Variants in EMC2 observed in about 807,000 individuals in gnomAD.
EMC2 encodes the protein ER membrane protein complex subunit 2.
Under a neutral mutation model 51.6 loss-of-function variants are expected in EMC2, and 37 were observed. The observed-to-expected ratio is 0.72, with a 90% CI of 0.55 to 0.94. The LOEUF (loss-of-function observed/expected upper bound fraction) is 0.94, where lower values mean the gene tolerates loss of function less well. Ranked by LOEUF, EMC2 falls within the 40% of genes least tolerant of loss-of-function variation. The pLI, the probability that EMC2 is intolerant of heterozygous loss-of-function variation, is 0.00. For missense variants in EMC2, 359 were observed against 350.9 expected (o/e 1.02, Z -0.18); for synonymous variants, 131 against 112.4 (o/e 1.17, Z -1.04).
At chr8:108,467,714 A>G (rs961723803) in intron 5 of EMC2, among the ~76,000 whole-genome samples, 1 of 152,124 alleles carries the variant, frequency 6.6e-6, no homozygotes, top group Non-Finnish European at 1.5e-5. Flanking sequence ...GGTGAATCCA[A>G]CTGTTTTCAA....
intron 5 of EMC2, chr8:108,463,919 G>A (rs1245285791): frequency 1.3e-5 from 2 of 152,480 alleles, no homozygotes; most frequent in African/African-American, 4.8e-5. Context: ...TATCCTGACT[G>A]GCTGTAGCAC....
intron 6 of EMC2, 28 bp downstream of exon 6, chr8:108,469,939 T>G (rs761902165): frequency 1.3e-6 from 2 of 1,576,472 alleles, no homozygotes; most frequent in South Asian, 2.2e-5. Flanking sequence ...GGATTGTGTT[T>G]TGTTATTCTG....
At chr8:108,485,982 TTAAC>T (rs1811130849) in intron 10 of EMC2, among the ~76,000 whole-genome samples, 1 of 151,832 alleles carries the variant, frequency 6.6e-6, no homozygotes, top group Admixed American at 6.6e-5. Flanking sequence ...TATCATTTAG[TTAAC>T]TAATAAATCT....
chr8:108,458,617 G>A (rs1819225965), intron 5 of EMC2, among the ~76,000 whole-genome samples: 1 of 152,106 alleles, frequency 6.6e-6, no homozygotes, highest in Admixed American at 6.5e-5. Flanking sequence ...GGCCACAGGG[G>A]GAGTGGCTGG....
chr8:108,468,510 T>C (rs994954007), intron 5 of EMC2, among the ~76,000 whole-genome samples: 2 of 152,152 alleles, frequency 1.3e-5, no homozygotes, highest in African/African-American at 4.8e-5. Context: ...TATTAAAACA[T>C]CATTTTTTAA....
At chr8:108,477,472 T>C (rs974733275) in intron 9 of EMC2, among the ~76,000 whole-genome samples, 2 of 152,042 alleles carry the variant, frequency 1.3e-5, no homozygotes, top group Admixed American at 6.6e-5. Context: ...AGTGAGCACC[T>C]CCCTACAATA....
rs762189951 is a variant in EMC2 at position 108,476,792 on chromosome 8, C to G, written c.602C>G (p.Thr201Ser). 9.0e-6 allele frequency: 14 copies of G among 1,558,608 alleles called. No individual in the cohort carries two copies. Among genetic ancestry groups the G allele is most frequent in the Middle Eastern group, 1.7e-4 (1 of 5,962 alleles). The change falls in exon 9 of 11, where the codon ACC (threonine) becomes AGC (serine). Residue 201 changes from threonine (T) to serine (S), a missense_variant. Thr to Ser is a moderately conservative substitution (Grantham distance 58, BLOSUM62 1). Transcript: ENST00000220853. ...TGCAATTTTTAACAGGTTAAGTATA[C>G]CCAAGGTGGACTTGAAAACCTCGAA... Reference protein sequence around the residue: ...YCQQYAEVKYTQGGLENLELS... With the variant: ...YCQQYAEVKYSQGGLENLELS...
chr8:108,464,284 C>G (rs1285163711), intron 5 of EMC2, among the ~76,000 whole-genome samples: 1 of 152,150 alleles, frequency 6.6e-6, no homozygotes, highest in Non-Finnish European at 1.5e-5. Flanking sequence ...ACCTTTGAGT[C>G]ATTTCAATGA....
intron 4 of EMC2, 23 bp downstream of exon 4, chr8:108,453,170 C>G: frequency 1.4e-6 from 2 of 1,420,394 alleles, no homozygotes; most frequent in Non-Finnish European, 2.0e-6. Flanking sequence ...TATCAGCTGG[C>G]AGGCATGGAG....
intron 10 of EMC2, among the ~76,000 whole-genome samples, chr8:108,484,631 G>A (rs745342957): frequency 1.3e-5 from 2 of 151,646 alleles, no homozygotes; most frequent in Non-Finnish European, 2.9e-5. Context: ...TAAATGTTAC[G>A]TGGTAATGTT....
chr8:108,451,539 T>C (rs1161878702), intron 3 of EMC2, among the ~76,000 whole-genome samples: 1 of 152,152 alleles, frequency 6.6e-6, no homozygotes, highest in Non-Finnish European at 1.5e-5. Flanking sequence ...GAATTAGTAT[T>C]GTCCTTTTCA....
At chr8:108,462,001 G>A (rs1007006176) in intron 5 of EMC2, among the ~76,000 whole-genome samples, 10 of 152,054 alleles carry the variant, frequency 6.6e-5, no homozygotes, top group African/African-American at 2.4e-4. Flanking sequence ...TAGAGATGGG[G>A]TTTCACCATG....
At chr8:108,485,568 CAT>C (rs1791521633) in intron 10 of EMC2, among the ~76,000 whole-genome samples, 1 of 141,110 alleles carries the variant, frequency 7.1e-6, no homozygotes, top group African/African-American at 2.6e-5. Flanking sequence ...CACACACACA[CAT>C]ACACACACAA....
rs772037335 is a variant in EMC2, at chr8:108,475,884, A to C, written c.512A>C (p.Tyr171Ser). The change falls in exon 8 of 11, where the codon TAT (tyrosine) becomes TCT (serine). Residue 171 changes from tyrosine to serine, a missense_variant and splice_region_variant. Tyr to Ser is a moderately radical substitution (Grantham distance 144). Transcript: ENST00000220853. ...LAELYINEHD[Y>S]AKAAFCLEEL... ...TTCTCCTCTTGATGTGTTTTTAGCT[A>C]TGCAAAAGCAGCCTTTTGTTTAGAG... is the stretch of plus-strand genomic sequence containing the variant. 1.3e-6 allele frequency: 2 copies of C among 1,582,536 alleles called. No homozygotes were observed.
At chr8:108,457,147 A>G (rs969656847) in intron 5 of EMC2, among the ~76,000 whole-genome samples, 1 of 152,074 alleles carries the variant, frequency 6.6e-6, no homozygotes, top group African/African-American at 2.4e-5. Flanking sequence ...ATCTCTGCTT[A>G]TTTCCTTTGA....
In EMC2 at chr8:108,486,719, C is replaced by A; in HGVS notation, c.*121C>A. ...CTACAGTAATTTTCTGTTAAGAAGGCAGTTGTAAAGAATGTGTTTATATAA... is the reference window on the plus strand; with the variant it reads ...CTACAGTAATTTTCTGTTAAGAAGGAAGTTGTAAAGAATGTGTTTATATAA... On this transcript the variant is annotated 3_prime_UTR_variant, in exon 11 of 11. Transcript: ENST00000220853. The A allele has an allele frequency of 2.9e-6, 3 of 1,030,726 alleles. No homozygotes were observed. Among genetic ancestry groups the A allele is most frequent in the South Asian group, 2.6e-5 (1 of 39,102 alleles). The allele number at this position is 1,030,726 out of a possible 1,614,324, so 63.8% of individuals were successfully genotyped here. A position where few individuals can be genotyped will look rare whatever the true frequency, so the allele number is the denominator to read the frequency against.
chr8:108,468,833 G>A (rs1810792736), intron 5 of EMC2, among the ~76,000 whole-genome samples: 1 of 152,164 alleles, frequency 6.6e-6, no homozygotes. Context: ...AATTTATACA[G>A]TATGCTCCAG....
chr8:108,475,730 G>C, intron 7 of EMC2, 152 bp from the exon 8 acceptor site: 1 of 532,534 alleles, frequency 1.9e-6, no homozygotes, highest in Admixed American at 4.0e-5. Flanking sequence ...ATGAATTTCA[G>C]ATGACAAATA....
rs762093138 is a variant in EMC2 at position 108,449,954 on chromosome 8, A to C, written c.154+18A>C. On this transcript the variant is annotated intron_variant, in intron 2 of 10. Transcript: ENST00000220853. ...AGATGATAGTAAGTTCTTTTATTAC[A>C]TTCAGGCTCAGTACATGCCTCATTC... 4.2e-6 allele frequency: 5 copies of C among 1,196,868 alleles called. No homozygotes were observed. In the African/African-American group the frequency reaches 7.6e-5, roughly 18 times the overall value. The allele number at this position is 1,196,868 out of a possible 1,614,324, so 74.1% of individuals were successfully genotyped here. A position where few individuals can be genotyped will look rare whatever the true frequency, so the allele number is the denominator to read the frequency against.
Sources: gnomAD v4.1 joint callset for allele counts (sites outside exome capture counted in the v4.1 genomes callset) on GRCh38, gnomAD v4.1.1 for gene constraint, MANE v1.5 for transcripts, NCBI Gene and HGNC (gene_info 2026-07-23, HGNC 2026-07-21) for gene names.